Variants in ATP6V1C1 observed in about 807,000 individuals in gnomAD.
The protein encoded by ATP6V1C1 is V-type proton ATPase subunit C 1.
ATP6V1C1 carries 45 observed loss-of-function variants against 53.9 expected under a neutral mutation model. That is an observed-to-expected ratio of 0.83 (90% confidence interval 0.66 to 1.07). ATP6V1C1 has a LOEUF of 1.07. Among genes scored for constraint, ATP6V1C1 ranks in the 50% least tolerant of loss-of-function variants. The probability of loss-of-function intolerance (pLI) is 0.00; values close to 1 mark genes in which losing one functional copy is unlikely to be tolerated. For missense variants in ATP6V1C1, 315 were observed against 440.3 expected (o/e 0.72, Z 2.55); for synonymous variants, 153 against 155.2 (o/e 0.99, Z 0.11).
chr8:103,027,625 A>G (rs1816721324), intron 1 of ATP6V1C1, among the ~76,000 whole-genome samples: 1 of 150,980 alleles, frequency 6.6e-6, no homozygotes, highest in South Asian at 2.1e-4. Context: ...TAACAGTCCC[A>G]TAGCTTTGGA....
At chr8:103,054,639 A>G (rs766801116) in intron 7 of ATP6V1C1, among the ~76,000 whole-genome samples, 3 of 152,098 alleles carry the variant, frequency 2.0e-5, no homozygotes, top group Non-Finnish European at 4.4e-5. Context: ...TAGGCCTTCT[A>G]TGTTATTTAA....
intron 1 of ATP6V1C1, among the ~76,000 whole-genome samples, chr8:103,032,311 C>CA (rs1310193153): frequency 2.0e-5 from 3 of 152,150 alleles, no homozygotes; most frequent in Non-Finnish European, 4.4e-5. Flanking sequence ...CATGGAAATG[C>CA]AACATAACCC....
intron 1 of ATP6V1C1, among the ~76,000 whole-genome samples, chr8:103,032,588 G>A (rs1169466339): frequency 6.6e-6 from 1 of 151,568 alleles, no homozygotes; most frequent in Non-Finnish European, 1.5e-5. Context: ...AGCAATTCTT[G>A]TGCCTCAGCC....
chr8:103,028,521 G>T (rs927673042), intron 1 of ATP6V1C1, among the ~76,000 whole-genome samples: 8 of 152,168 alleles, frequency 5.3e-5, no homozygotes, highest in African/African-American at 1.9e-4. Context: ...TGTTACAGTG[G>T]TTCTGAAATT....
chr8:103,060,683 C>T (rs1344878094), intron 8 of ATP6V1C1, among the ~76,000 whole-genome samples: 1 of 152,118 alleles, frequency 6.6e-6, no homozygotes, highest in African/African-American at 2.4e-5. Context: ...TTAAGAAATA[C>T]CTTTCCTTAG....
chr8:103,056,243 C>A (rs1817286956), intron 8 of ATP6V1C1, among the ~76,000 whole-genome samples: 1 of 152,066 alleles, frequency 6.6e-6, no homozygotes, highest in Admixed American at 6.6e-5. Flanking sequence ...ACTTTTTCTG[C>A]CTCACTGTGC....
chr8:103,048,888 T>C lies in ATP6V1C1; in HGVS notation c.219T>C (p.Ala73=), dbSNP rs1817150920. The change falls in exon 4 of 13, where the codon GCT becomes GCC. Residue 73 remains alanine, a synonymous_variant. Coordinates refer to ENST00000518738, the MANE Select transcript of ATP6V1C1 (RefSeq NM_001695.5). ...TCCCCAGAGTGGTTAAGAAAGTAGC[T>C]CAATACATGGCTGATGTATTGGAAG... ...AFVEGVVKKV[A]QYMADVLEDS... is the part of the protein sequence containing the mutation. 1 of 1,613,154 alleles carries C rather than the reference T, an allele frequency of 6.2e-7. No homozygotes were observed. The highest frequency in any genetic ancestry group is 8.5e-7 in the Non-Finnish European group (1 of 1,179,532).
chr8:103,066,494 G>A, intron 12 of ATP6V1C1, 47 bp downstream of exon 12: 3 of 1,479,828 alleles, frequency 2.0e-6, no homozygotes, highest in Admixed American at 2.5e-5. Context: ...GTGAATTTCA[G>A]AAAAAAAATG....
Position 103,040,825 on chromosome 8 carries a change from C to G in ATP6V1C1, c.-12C>G. 1 of 1,606,010 alleles carries G rather than the reference C, an allele frequency of 6.2e-7. No individual in the cohort carries two copies. The highest frequency in any genetic ancestry group is 8.5e-7 in the Non-Finnish European group (1 of 1,176,436). Reference sequence around the variant, plus strand: ...TCTCTCTTGATTTTTGAGGAAATACCTAGTAACAAACATGACTGAGTTCTG... The same window carrying G: ...TCTCTCTTGATTTTTGAGGAAATACGTAGTAACAAACATGACTGAGTTCTG... On this transcript the variant is annotated 5_prime_UTR_variant, in exon 2 of 13. Coordinates refer to ENST00000518738, the MANE Select transcript of ATP6V1C1 (RefSeq NM_001695.5).
chr8:103,071,520 G>C lies in ATP6V1C1; in HGVS notation c.*2773G>C, dbSNP rs1817586690. ...GTTGTGTGAATGAGCCAGACACATTGCTTAACCTGAGTCCGAGATGGACAA... is the reference window on the plus strand; with the variant it reads ...GTTGTGTGAATGAGCCAGACACATTCCTTAACCTGAGTCCGAGATGGACAA... On this transcript the variant is annotated 3_prime_UTR_variant, in exon 13 of 13. Coordinates refer to ENST00000518738, the MANE Select transcript of ATP6V1C1 (RefSeq NM_001695.5). 6.6e-6 allele frequency: 1 copy of C among 152,220 alleles called. No homozygotes were observed. The highest frequency in any genetic ancestry group is 1.5e-5 in the Non-Finnish European group (1 of 68,042). The allele number at this position is 152,220 out of a possible 1,614,324, so 9.4% of individuals were successfully genotyped here.
chr8:103,040,511 C>G (rs930784099), intron 1 of ATP6V1C1, among the ~76,000 whole-genome samples: 1 of 151,978 alleles, frequency 6.6e-6, no homozygotes, highest in African/African-American at 2.4e-5. Context: ...TGGGTAATCT[C>G]ACTTCTTGGC....
intron 1 of ATP6V1C1, among the ~76,000 whole-genome samples, chr8:103,032,241 A>G (rs1816811201): frequency 2.0e-5 from 3 of 152,250 alleles, no homozygotes; most frequent in Non-Finnish European, 4.4e-5. Context: ...AATAGAAAAT[A>G]TACAAATGGC....
chr8:103,042,466 T>G, intron 3 of ATP6V1C1, 59 bp downstream of exon 3: 1 of 1,534,886 alleles, frequency 6.5e-7, no homozygotes, highest in South Asian at 1.1e-5. Context: ...TCAGGCTTCA[T>G]GGACACTGGG....
At chr8:103,049,703 G>A (rs571006837) in intron 4 of ATP6V1C1, among the ~76,000 whole-genome samples, 5 of 152,314 alleles carry the variant, frequency 3.3e-5, no homozygotes, top group African/African-American at 1.2e-4. Context: ...TTGGGAGGCT[G>A]TGGCAGGAGG....
At position 103,066,802 on chromosome 8, in the gene ATP6V1C1, G is replaced by A. The variant is rs562437021; in HGVS notation, c.1053+355G>A. On this transcript the variant is annotated intron_variant, in intron 12 of 12. Coordinates refer to ENST00000518738, the MANE Select transcript of ATP6V1C1 (RefSeq NM_001695.5). ...TATTTTAATTTTATTTGGTAGAAGC[G>A]ATAGAGTCAATAGATGAGTATTTTC... Among the ~76,000 whole-genome samples, 15 of 152,158 alleles carry A rather than the reference G, an allele frequency of 9.9e-5. No homozygotes were observed. The East Asian group carries it at 2.5e-3, about 26-fold the overall frequency.
At chr8:103,045,874 G>A (rs532145475) in intron 3 of ATP6V1C1, among the ~76,000 whole-genome samples, 183 of 152,156 alleles carry the variant, frequency 1.2e-3, no homozygotes, top group Admixed American at 2.0e-3. Context: ...TCGGGAGGCG[G>A]AGCTTGCAGT....
chr8:103,036,352 C>A (rs1022319645), intron 1 of ATP6V1C1, among the ~76,000 whole-genome samples: 1 of 152,096 alleles, frequency 6.6e-6, no homozygotes, highest in Non-Finnish European at 1.5e-5. Flanking sequence ...CCTTCCTTTC[C>A]TCCTCATCTT....
At chr8:103,055,384 T>A (rs1367368461) in intron 7 of ATP6V1C1, among the ~76,000 whole-genome samples, 1 of 152,170 alleles carries the variant, frequency 6.6e-6, no homozygotes, top group Non-Finnish European at 1.5e-5. Flanking sequence ...CTAGAGAAGG[T>A]TGTTGCACAA....
chr8:103,045,346 T>G (rs1817075382), intron 3 of ATP6V1C1, among the ~76,000 whole-genome samples: 1 of 152,158 alleles, frequency 6.6e-6, no homozygotes, highest in Non-Finnish European at 1.5e-5. Flanking sequence ...AGTGAGGAAG[T>G]AAACAGATCT....
Sources: allele counts gnomAD v4.1 joint callset (sites outside exome capture counted in the v4.1 genomes callset), GRCh38; gene constraint gnomAD v4.1.1; transcripts MANE v1.5; gene names NCBI Gene and HGNC (gene_info 2026-07-23, HGNC 2026-07-21).